The following HK1 variants were observed in gnomAD, a reference collection of about 807,000 sequenced individuals.
The protein encoded by HK1 is hexokinase-1.
In HK1, 28 loss-of-function variants were observed where a neutral mutation model predicts 91.6. The observed-to-expected ratio is 0.31, with a 90% CI of 0.23 to 0.42. The LOEUF is 0.42. Ranked by LOEUF, HK1 falls within the 10% of genes least tolerant of loss-of-function variation. HK1 has a pLI of 1.00. For synonymous variants in HK1, 430 were observed against 468.1 expected, an observed-to-expected ratio of 0.92 and a Z score of 1.05; for missense variants, 770 against 1,219.8, an observed-to-expected ratio of 0.63 and a Z score of 5.49.
At chr10:69,375,586 C>T (rs561970172) in intron 7 of HK1, among the ~76,000 whole-genome samples, 2 of 152,262 alleles carry the variant, frequency 1.3e-5, no homozygotes, top group East Asian at 3.9e-4. Context: ...GGTTGAGGGC[C>T]GGGTGCTCAG....
intron 3 of HK1, chr10:69,288,911 C>G: frequency 4.1e-6 from 3 of 732,832 alleles, no homozygotes; most frequent in Non-Finnish European, 4.8e-6. Flanking sequence ...CTCAGCCTCC[C>G]AGTAGCTGGG....
At chr10:69,389,456 G>T in intron 14 of HK1, 160 bp downstream of exon 14, 1 of 589,332 alleles carries the variant, frequency 1.7e-6, no homozygotes, top group Non-Finnish European at 3.2e-6. Flanking sequence ...GACGAAGGCA[G>T]CAGAGTCTCT....
Position 69,395,084 on chromosome 10 carries a change from A to G in HK1, c.2354A>G (p.Lys785Arg), listed in dbSNP as rs1293883929. Reference sequence around the variant, plus strand: ...AAGACCCGGGGCATCTTTGAGACCAAGTTTCTCTCTCAGATCGAGAGGTGA... The same window carrying G: ...AAGACCCGGGGCATCTTTGAGACCAGGTTTCTCTCTCAGATCGAGAGGTGA... ...TLKTRGIFETKFLSQIESDRL... is the reference protein window; with the variant it reads ...TLKTRGIFETRFLSQIESDRL... The change falls in exon 16 of 18, where the codon AAG (lysine) becomes AGG (arginine). Residue 785 changes from lysine to arginine, a missense_variant. Lys to Arg is a conservative substitution (Grantham distance 26). Coordinates refer to ENST00000359426, the MANE Select transcript of HK1 (RefSeq NM_000188.3). 1.2e-6 allele frequency: 2 copies of G among 1,613,938 alleles called. No individual in the cohort carries two copies. The highest frequency in any genetic ancestry group is 2.2e-5 in the East Asian group (1 of 44,856).
chr10:69,283,782 GAGTGAGACTCTGTCTCAAAAAAA>G, intron 2 of HK1, among the ~76,000 whole-genome samples: 1 of 116,862 alleles, frequency 8.6e-6, no homozygotes, highest in African/African-American at 3.4e-5. Flanking sequence ...CTGGGTGACA[GAGTGAGACTCTGTCTCAAAAAAA>G]AAAAAAAAAA....
At chr10:69,343,731 G>A in intron 1 of HK1, 96 bp from the exon 2 acceptor site, 1 of 908,612 alleles carries the variant, frequency 1.1e-6, no homozygotes, top group Non-Finnish European at 1.8e-6. Flanking sequence ...GCGTGTTCCT[G>A]TGCCTGTGGG....
intron 14 of HK1, 181 bp downstream of exon 14, chr10:69,389,477 G>C (rs1166610524): frequency 4.9e-6 from 3 of 609,552 alleles, no homozygotes; most frequent in African/African-American, 1.9e-5. Context: ...GGCGGGGGGA[G>C]GTGGGGGGGC....
At chr10:69,275,830 C>A (rs1271257370) in intron 1 of HK1, among the ~76,000 whole-genome samples, 4 of 151,876 alleles carry the variant, frequency 2.6e-5, no homozygotes, top group Non-Finnish European at 5.9e-5. Context: ...TGGCTCATGC[C>A]TGTAATCCCA....
At chr10:69,295,260 C>T (rs1421738069) in intron 3 of HK1, among the ~76,000 whole-genome samples, 2 of 152,162 alleles carry the variant, frequency 1.3e-5, no homozygotes, top group African/African-American at 2.4e-5. Context: ...CAGGCCTCTG[C>T]CGCAGCTCCG....
rs571110099 is a variant in HK1, at chr10:69,301,103, G to A, written c.27+242G>A. ...TCTACTAAAAATACAAAAATTAGCC[G>A]GGTGTAGTGTTGGGTGCCTGTAATC... On this transcript the variant is annotated intron_variant, in intron 5 of 21. Transcript: ENST00000360289. Among the ~76,000 whole-genome samples the A allele has an allele frequency of 1.6e-3, 240 of 151,804 alleles. 1 individual carries two copies. The highest frequency in any genetic ancestry group is 5.5e-3 in the African/African-American group (226 of 41,366).
At chr10:69,347,547 G>A (rs574131162) in intron 2 of HK1, among the ~76,000 whole-genome samples, 4 of 151,362 alleles carry the variant, frequency 2.6e-5, no homozygotes, top group Non-Finnish European at 5.9e-5. Flanking sequence ...GCAATTCTCC[G>A]GCTTCAACTT....
At chr10:69,320,321 G>C (rs1238337063) in intron 1 of HK1, among the ~76,000 whole-genome samples, 1 of 152,130 alleles carries the variant, frequency 6.6e-6, no homozygotes, top group East Asian at 1.9e-4. Context: ...CCGTGATCTT[G>C]GATCCCATGG....
intron 4 of HK1, among the ~76,000 whole-genome samples, chr10:69,368,295 T>C (rs1307042492): frequency 1.3e-5 from 2 of 152,308 alleles, no homozygotes; most frequent in African/African-American, 4.8e-5. Flanking sequence ...TCTTCTGGAG[T>C]GAACTGGATA....
chr10:69,295,933 A>G (rs1049747198), intron 4 of HK1, among the ~76,000 whole-genome samples: 14 of 152,156 alleles, frequency 9.2e-5, no homozygotes, highest in Non-Finnish European at 1.3e-4. Flanking sequence ...GCAGAATGCT[A>G]ATTGTCAGAG....
At chr10:69,341,010 C>T (rs1445997569) in intron 1 of HK1, among the ~76,000 whole-genome samples, 2 of 152,106 alleles carry the variant, frequency 1.3e-5, no homozygotes, top group South Asian at 2.1e-4. Flanking sequence ...ATGCTTGCAA[C>T]GTGGCTGTCT....
At chr10:69,373,637 C>T (rs1053814151) in intron 7 of HK1, among the ~76,000 whole-genome samples, 2 of 150,328 alleles carry the variant, frequency 1.3e-5, no homozygotes, top group African/African-American at 2.5e-5. Context: ...GTTGCCCAGG[C>T]TGGAGTGCAG....
At chr10:69,285,188 A>G (rs1468563732) in intron 2 of HK1, among the ~76,000 whole-genome samples, 1 of 152,072 alleles carries the variant, frequency 6.6e-6, no homozygotes, top group Non-Finnish European at 1.5e-5. Context: ...TAATCCCAAC[A>G]CTTTGGGAGG....
At chr10:69,379,044 G>A (rs1026818171) in intron 8 of HK1, among the ~76,000 whole-genome samples, 2 of 152,254 alleles carry the variant, frequency 1.3e-5, no homozygotes, top group South Asian at 2.1e-4. Flanking sequence ...AACAGACACA[G>A]TATTTGATTG....
chr10:69,276,603 G>A (rs534550453), intron 1 of HK1, among the ~76,000 whole-genome samples: 15 of 152,044 alleles, frequency 9.9e-5, no homozygotes, highest in Admixed American at 9.8e-4. Context: ...AGGTTGCAGT[G>A]AGCTGAGATC....
In HK1 at chr10:69,380,947, C is replaced by A. The variant is rs184102909; in HGVS notation, c.1265+852C>A. ...AAATACAATGTGCATGTGAAGCACC[C>A]ATGTCAGTACTGCACCTTCACACCC... is the stretch of plus-strand genomic sequence containing the variant. On this transcript the variant is annotated intron_variant, in intron 9 of 17. Coordinates refer to ENST00000359426, the MANE Select transcript of HK1 (RefSeq NM_000188.3). The surrounding 1 kb of genome is among the most constrained non-coding windows in gnomAD (Gnocchi z 4.0). 6.6e-6 allele frequency among the ~76,000 whole-genome samples: 1 copy of A among 152,284 alleles called. No homozygotes were observed. Among genetic ancestry groups the A allele is most frequent in the East Asian group, 1.9e-4 (1 of 5,184 alleles).
Sources: allele counts gnomAD v4.1 joint callset (sites outside exome capture counted in the v4.1 genomes callset), GRCh38; gene constraint gnomAD v4.1.1; non-coding constraint Gnocchi (gnomAD v3.1); transcripts MANE v1.5; gene names NCBI Gene and HGNC (gene_info 2026-07-23, HGNC 2026-07-21).